The following SIDT1 variants were observed in gnomAD, a reference collection of about 807,000 sequenced individuals.
The protein encoded by SIDT1 is SID1 transmembrane family, member 1.
Under a neutral mutation model 107.5 loss-of-function variants are expected in SIDT1, and 101 were observed. That is an observed-to-expected ratio of 0.94 (90% CI 0.80 to 1.11). The LOEUF is 1.11. SIDT1 is among the 50% of genes least tolerant of loss of function. The pLI is 0.00. For synonymous variants in SIDT1, 395 were observed against 398.2 expected, an observed-to-expected ratio of 0.99 and a Z score of 0.10; for missense variants, 1,076 against 1,058.2, an observed-to-expected ratio of 1.02 and a Z score of -0.23.
rs1560146712 is a variant in SIDT1, at chr3:113,623,614, C to T, written c.2197-9C>T. The T allele has an allele frequency of 3.7e-6, 6 of 1,611,412 alleles. No individual in the cohort carries two copies. The highest frequency in any genetic ancestry group is 2.2e-5 in the East Asian group (1 of 44,866). ...TCGCGTGAGGCCGCATCTGCTTCTC[C>T]TCCCACAGCTCCGCAGCTCTGAAAA... On this transcript the variant is annotated splice_polypyrimidine_tract_variant and intron_variant, in intron 22 of 24. Transcript: ENST00000264852.
chr3:113,622,841 C>A (rs1946559332), intron 21 of SIDT1, among the ~76,000 whole-genome samples: 2 of 152,066 alleles, frequency 1.3e-5, no homozygotes, highest in South Asian at 2.1e-4. Context: ...GTTATGGGAA[C>A]TTTACATGGT....
chr3:113,567,562 C>A lies in SIDT1; in HGVS notation c.367C>A (p.Gln123Lys). 1.2e-6 allele frequency: 2 copies of A among 1,613,624 alleles called. No homozygotes were observed. Among genetic ancestry groups the A allele is most frequent in the Non-Finnish European group, 1.7e-6 (2 of 1,179,802 alleles). The change falls in exon 3 of 25, where the codon CAA (glutamine) becomes AAA (lysine). Residue 123 changes from glutamine (Q) to lysine (K), a missense_variant. Physicochemically the swap from Gln to Lys is moderately conservative, Grantham distance 53. Coordinates refer to ENST00000264852, the MANE Select transcript of SIDT1 (RefSeq NM_017699.3). ...CAGATACCAGAGGAGCTACAACTAT[C>A]AAGAAGTGAGCCGCACCTTATGTCC... The part of the protein sequence containing the change: ...QGLYQRSYNY[Q>K]EVSRTLCPSE...
intron 19 of SIDT1, 127 bp downstream of exon 19, chr3:113,612,321 C>T (rs1005308165): frequency 1.4e-6 from 1 of 733,848 alleles, no homozygotes; most frequent in Non-Finnish European, 2.4e-6. Flanking sequence ...AATTCTATGC[C>T]ATGTTTAATA....
chr3:113,583,799 A>G (rs1943542829), intron 7 of SIDT1, among the ~76,000 whole-genome samples: 2 of 152,246 alleles, frequency 1.3e-5, no homozygotes, highest in South Asian at 2.1e-4. Context: ...ATTTGCTACC[A>G]TGAAGTAATG....
intron 15 of SIDT1, among the ~76,000 whole-genome samples, chr3:113,607,483 G>A (rs772336154): frequency 6.6e-6 from 1 of 152,230 alleles, no homozygotes; most frequent in Non-Finnish European, 1.5e-5. Flanking sequence ...GAAGGCAGGT[G>A]AGGATTTGCT....
intron 21 of SIDT1, 125 bp from the exon 22 acceptor site, chr3:113,623,302 A>G (rs1235262186): frequency 7.5e-6 from 4 of 536,674 alleles, no homozygotes; most frequent in African/African-American, 1.9e-5. Context: ...AAAATGAACT[A>G]AAAATAAAAG....
At chr3:113,615,174 T>A in intron 19 of SIDT1, 1 of 1,339,906 alleles carries the variant, frequency 7.5e-7, no homozygotes, top group Admixed American at 2.0e-5. Flanking sequence ...AACAGCCTCT[T>A]TCAGGCCGGG....
intron 6 of SIDT1, 84 bp downstream of exon 6, chr3:113,581,528 T>A (rs1943342676): frequency 1.8e-6 from 2 of 1,083,756 alleles, no homozygotes; most frequent in Admixed American, 3.5e-5. Flanking sequence ...CCAAAAGGGA[T>A]GGCCATCCAT....
downstream of SIDT1, among the ~76,000 whole-genome samples, chr3:113,631,049 T>C (rs1047535913): frequency 6.6e-6 from 1 of 151,854 alleles, no homozygotes; most frequent in Admixed American, 6.6e-5. Context: ...TGCATTTCTC[T>C]GACTCTGGCC....
At chr3:113,592,601 C>CGTTTTT (rs1944246525) in intron 9 of SIDT1, 1 of 146,754 alleles carries the variant, frequency 6.8e-6, no homozygotes, top group African/African-American at 2.6e-5. Flanking sequence ...TTTTCTTTTT[C>CGTTTTT]TTTTTTTTTT....
At chr3:113,557,081 T>G (rs1283558569) in intron 1 of SIDT1, among the ~76,000 whole-genome samples, 1 of 152,200 alleles carries the variant, frequency 6.6e-6, no homozygotes, top group African/African-American at 2.4e-5. Flanking sequence ...GTGCTGGAAT[T>G]ACAGGCGTGA....
intron 21 of SIDT1, chr3:113,620,025 TTAGATAGA>T (rs368090867): frequency 1.4e-3 from 354 of 246,268 alleles, no homozygotes; most frequent in Middle Eastern, 5.5e-3. Flanking sequence ...AGTTGAATGG[TTAGATAGA>T]TAGATAGATA....
At chr3:113,561,707 A>G (rs1253371766) in intron 1 of SIDT1, among the ~76,000 whole-genome samples, 1 of 152,196 alleles carries the variant, frequency 6.6e-6, no homozygotes, top group African/African-American at 2.4e-5. Context: ...AAAAATTTAT[A>G]TTTTTAAGTT....
chr3:113,584,687 T>TC lies in SIDT1; in HGVS notation c.836-11_836-10insC. 1 of 1,585,114 alleles carries TC rather than the reference T, an allele frequency of 6.3e-7. No homozygotes were observed. The highest frequency in any genetic ancestry group is 8.6e-7 in the Non-Finnish European group (1 of 1,165,298). On this transcript the variant is annotated splice_polypyrimidine_tract_variant and intron_variant, in intron 7 of 24. Transcript: ENST00000264852. Reference sequence around the variant, plus strand: ...ATGTGCTTTGTTCTTTTTTTATTTTTTTTAAACCAGAAAAGGAAAACCAGA... The same window carrying TC: ...ATGTGCTTTGTTCTTTTTTTATTTTTCTTTAAACCAGAAAAGGAAAACCAGA...
At chr3:113,544,335 C>T (rs1010391940) in intron 1 of SIDT1, among the ~76,000 whole-genome samples, 1 of 152,002 alleles carries the variant, frequency 6.6e-6, no homozygotes, top group Non-Finnish European at 1.5e-5. Flanking sequence ...GGACTACAGG[C>T]GCACACAACC....
chr3:113,585,612 T>G (rs1329186184), intron 9 of SIDT1, among the ~76,000 whole-genome samples: 1 of 152,236 alleles, frequency 6.6e-6, no homozygotes, highest in Non-Finnish European at 1.5e-5. Flanking sequence ...ATACTCACTG[T>G]AGATGGTCAG....
At chr3:113,584,126 G>A (rs1037724385) in intron 7 of SIDT1, among the ~76,000 whole-genome samples, 4 of 152,212 alleles carry the variant, frequency 2.6e-5, no homozygotes, top group Non-Finnish European at 4.4e-5. Context: ...TTAATCACAT[G>A]TGACCAACAC....
chr3:113,635,163 A>G, the SIDT1 span, among the ~76,000 whole-genome samples: 1 of 152,246 alleles, frequency 6.6e-6, no homozygotes, highest in Non-Finnish European at 1.5e-5. Context: ...TAAAATGGAG[A>G]GAAAGCACAG....
chr3:113,597,416 G>A (rs111970808), intron 10 of SIDT1, among the ~76,000 whole-genome samples: 36,155 of 146,326 alleles, frequency 0.25, 4,402 homozygotes, highest in Admixed American at 0.3. Flanking sequence ...GGAATCACTT[G>A]AACCCGGGAG....
Sources: allele counts gnomAD v4.1 joint callset (sites outside exome capture counted in the v4.1 genomes callset), GRCh38; gene constraint gnomAD v4.1.1; transcripts MANE v1.5; gene names NCBI Gene and HGNC (gene_info 2026-07-23, HGNC 2026-07-21).